The following TIAM1 variants were observed in gnomAD, a reference collection of about 807,000 sequenced individuals.
The protein encoded by TIAM1 is rho guanine nucleotide exchange factor TIAM1.
In TIAM1, 65 loss-of-function variants were observed where a neutral mutation model predicts 163.5. That is an observed-to-expected ratio of 0.40 (90% CI 0.33 to 0.49). The LOEUF is 0.49. TIAM1 is among the 20% of genes least tolerant of loss of function. TIAM1 has a pLI of 0.77. For synonymous variants in TIAM1, 833 were observed against 810.1 expected, an observed-to-expected ratio of 1.03 and a Z score of -0.48; for missense variants, 1,789 against 2,044.7, an observed-to-expected ratio of 0.87 and a Z score of 2.41.
intron 2 of TIAM1, among the ~76,000 whole-genome samples, chr21:31,329,470 G>A (rs1234070951): frequency 1.3e-5 from 2 of 152,164 alleles, no homozygotes; most frequent in African/African-American, 4.8e-5. Context: ...AGCATTTCTG[G>A]TCCCCAGGTC....
At chr21:31,326,269 C>T (rs1468156849) in intron 2 of TIAM1, among the ~76,000 whole-genome samples, 2 of 152,198 alleles carry the variant, frequency 1.3e-5, no homozygotes, top group Non-Finnish European at 2.9e-5. Flanking sequence ...GTCCTCTGAT[C>T]AAAGTTATGG....
At chr21:31,326,833 T>C (rs993585566) in intron 2 of TIAM1, among the ~76,000 whole-genome samples, 22 of 152,182 alleles carry the variant, frequency 1.4e-4, no homozygotes, top group African/African-American at 5.1e-4. Flanking sequence ...TTAAGATCCC[T>C]AGATGAAAAG....
intron 2 of TIAM1, among the ~76,000 whole-genome samples, chr21:31,455,975 T>C (rs887028815): frequency 6.6e-6 from 1 of 152,138 alleles, no homozygotes; most frequent in Non-Finnish European, 1.5e-5. Context: ...GTCTGAGGAC[T>C]AGAGGGTGGC....
chr21:31,516,705 A>G (rs947121617), intron 1 of TIAM1, among the ~76,000 whole-genome samples: 1 of 151,842 alleles, frequency 6.6e-6, no homozygotes, highest in African/African-American at 2.4e-5. Context: ...GAAAAGATAG[A>G]TAAAAATCAG....
chr21:31,363,100 C>T (rs1192682700), intron 2 of TIAM1, among the ~76,000 whole-genome samples: 3 of 152,068 alleles, frequency 2.0e-5, no homozygotes, highest in East Asian at 1.9e-4. Context: ...GGTGGGTTCA[C>T]GATCGATATT....
chr21:31,245,920 G>A (rs569583847), intron 5 of TIAM1, among the ~76,000 whole-genome samples: 3 of 152,168 alleles, frequency 2.0e-5, no homozygotes, highest in African/African-American at 7.2e-5. Flanking sequence ...CCTTCCTTTG[G>A]GTTTTAGAAT....
At chr21:31,547,272 G>C (rs2833444) in intron 1 of TIAM1, among the ~76,000 whole-genome samples, 1 of 151,998 alleles carries the variant, frequency 6.6e-6, no homozygotes, top group Non-Finnish European at 1.5e-5. Flanking sequence ...GCAACTTTTA[G>C]AAACAAAGTA....
At chr21:31,199,163 C>G (rs1034804285) in intron 12 of TIAM1, among the ~76,000 whole-genome samples, 9 of 152,180 alleles carry the variant, frequency 5.9e-5, no homozygotes, top group African/African-American at 9.7e-5. Flanking sequence ...TGAGTTCTCA[C>G]AAAATCAGGA....
At chr21:31,346,661 C>T (rs938491252), upstream of TIAM1, among the ~76,000 whole-genome samples, 12 of 152,176 alleles carry the variant, frequency 7.9e-5, no homozygotes, top group Non-Finnish European at 1.6e-4. Context: ...TCTCCATTGA[C>T]AATTATGAGT....
chr21:31,328,640 C>T (rs903106838), intron 2 of TIAM1, among the ~76,000 whole-genome samples: 2 of 151,896 alleles, frequency 1.3e-5, no homozygotes, highest in African/African-American at 2.4e-5. Flanking sequence ...TTTGCTGCAC[C>T]GATCAACCCG....
chr21:31,393,625 A>G (rs1229635206), intron 2 of TIAM1, among the ~76,000 whole-genome samples: 2 of 152,212 alleles, frequency 1.3e-5, no homozygotes, highest in Non-Finnish European at 2.9e-5. Context: ...GAATTTTTTA[A>G]GAGAAGAATT....
intron 25 of TIAM1, among the ~76,000 whole-genome samples, chr21:31,128,781 T>G (rs1459776482): frequency 2.0e-5 from 3 of 152,232 alleles, no homozygotes; most frequent in Admixed American, 6.5e-5. Context: ...CCCTACATGG[T>G]TTTTGCATTT....
intron 8 of TIAM1, 49 bp downstream of exon 8, chr21:31,223,357 T>C (rs898847502): frequency 7.7e-6 from 12 of 1,548,942 alleles, no homozygotes; most frequent in Non-Finnish European, 9.6e-6. Context: ...CTGCTCAGGA[T>C]TAAGCGTCAA....
chr21:31,511,836 G>C (rs187471228), intron 1 of TIAM1, among the ~76,000 whole-genome samples: 1 of 152,268 alleles, frequency 6.6e-6, no homozygotes, highest in African/African-American at 2.4e-5. Flanking sequence ...CTCGTTGCTA[G>C]GGCAAGGGAA....
chr21:31,463,720 A>G (rs915859112), intron 2 of TIAM1, among the ~76,000 whole-genome samples: 17 of 151,322 alleles, frequency 1.1e-4, no homozygotes, highest in African/African-American at 4.1e-4. Flanking sequence ...CAGGAGGCCG[A>G]GGCAGGGGAA....
intron 2 of TIAM1, among the ~76,000 whole-genome samples, chr21:31,365,658 G>A (rs544463007): frequency 5.1e-4 from 77 of 151,718 alleles, no homozygotes; most frequent in African/African-American, 1.7e-3. Context: ...CCCAAAGTGC[G>A]GGATTACAGG....
intron 13 of TIAM1, among the ~76,000 whole-genome samples, chr21:31,190,914 C>T (rs1452713194): frequency 6.6e-6 from 1 of 152,178 alleles, no homozygotes; most frequent in Non-Finnish European, 1.5e-5. Flanking sequence ...GTGCCGGCAG[C>T]TTTTACTTGT....
intron 2 of TIAM1, among the ~76,000 whole-genome samples, chr21:31,384,679 C>G (rs2076835691): frequency 6.6e-6 from 1 of 152,138 alleles, no homozygotes. Context: ...ATTTAAAAAC[C>G]AGAATCTACA....
chr21:31,151,008 T>C (rs1333844673), intron 19 of TIAM1, among the ~76,000 whole-genome samples: 2 of 152,162 alleles, frequency 1.3e-5, no homozygotes, highest in African/African-American at 4.8e-5. Context: ...CGTAAGTCAT[T>C]AGGGAAATTA....
Sources: allele counts gnomAD v4.1 joint callset (sites outside exome capture counted in the v4.1 genomes callset), GRCh38; gene constraint gnomAD v4.1.1; transcripts MANE v1.5; gene names NCBI Gene and HGNC (gene_info 2026-07-23, HGNC 2026-07-21).